PSD3: variants seen among roughly 807,000 people sequenced by gnomAD.
PSD3 encodes PH and SEC7 domain-containing protein 3.
PSD3 carries 49 observed loss-of-function variants against 105.5 expected under a neutral mutation model. That is an observed-to-expected ratio of 0.46 (90% CI 0.37 to 0.59). The LOEUF (loss-of-function observed/expected upper bound fraction) is 0.59. PSD3 is among the 20% of genes least tolerant of loss of function. The pLI, the probability that PSD3 is intolerant of heterozygous loss-of-function variation, is 0.00. For synonymous variants in PSD3, 557 were observed against 457.8 expected (o/e 1.22, Z -2.77); for missense variants, 1,561 against 1,263.8 (o/e 1.24, Z -3.57).
chr8:18,855,599 G>A (rs754329612), intron 4 of PSD3, among the ~76,000 whole-genome samples: 1 of 152,170 alleles, frequency 6.6e-6, no homozygotes, highest in South Asian at 2.1e-4. Context: ...AGCCACCACT[G>A]CCAGGCAAAG....
At chr8:18,874,702 CAA>C (rs746055038) in intron 2 of PSD3, among the ~76,000 whole-genome samples, 8 of 52,802 alleles carry the variant, frequency 1.5e-4, no homozygotes, top group Admixed American at 4.3e-4. Flanking sequence ...GACTCCATCT[CAA>C]AAAAAAAAAA....
chr8:18,600,558 G>A (rs868656842), intron 11 of PSD3, 124 bp from the exon 12 acceptor site: 2 of 803,136 alleles, frequency 2.5e-6, no homozygotes, highest in South Asian at 1.8e-5. Context: ...ATAACAATAA[G>A]AACTAAAATT....
At chr8:18,911,978 C>T (rs1820253300) in intron 2 of PSD3, among the ~76,000 whole-genome samples, 2 of 152,176 alleles carry the variant, frequency 1.3e-5, no homozygotes, top group South Asian at 4.1e-4. Context: ...TAAGTGGGAC[C>T]TTTCACATTA....
chr8:18,826,267 C>T (rs917298322), intron 4 of PSD3, among the ~76,000 whole-genome samples: 1 of 152,152 alleles, frequency 6.6e-6, no homozygotes. Context: ...GATGGCCGAT[C>T]GTGGGACTTC....
At chr8:18,700,976 A>G (rs1801542785) in intron 9 of PSD3, among the ~76,000 whole-genome samples, 1 of 151,870 alleles carries the variant, frequency 6.6e-6, no homozygotes, top group African/African-American at 2.4e-5. Flanking sequence ...TTGTGTATTT[A>G]TTTATTTTGA....
At chr8:18,735,034 C>A (rs933550814) in intron 9 of PSD3, among the ~76,000 whole-genome samples, 1 of 152,104 alleles carries the variant, frequency 6.6e-6, no homozygotes, top group Non-Finnish European at 1.5e-5. Flanking sequence ...TTGGCACATA[C>A]GCCGAGGACC....
intron 9 of PSD3, among the ~76,000 whole-genome samples, chr8:18,762,662 A>C (rs71510621): frequency 2.9e-3 from 442 of 152,344 alleles, no homozygotes; most frequent in Non-Finnish European, 4.2e-3. Context: ...TATTTGAGTA[A>C]ACAACGAAAG....
intron 1 of PSD3, among the ~76,000 whole-genome samples, chr8:18,947,493 G>A (rs926352017): frequency 2.0e-5 from 3 of 152,156 alleles, no homozygotes; most frequent in Admixed American, 6.5e-5. Context: ...ACGCTCCCCT[G>A]GGACAAGGGG....
At chr8:18,565,841 T>G (rs1801706688) in intron 14 of PSD3, among the ~76,000 whole-genome samples, 2 of 152,140 alleles carry the variant, frequency 1.3e-5, no homozygotes, top group African/African-American at 2.4e-5. Flanking sequence ...TTTGGCAATG[T>G]CTGGAGACAT....
chr8:18,668,105 C>T (rs1355394558), intron 9 of PSD3, among the ~76,000 whole-genome samples: 2 of 152,222 alleles, frequency 1.3e-5, no homozygotes, highest in Non-Finnish European at 2.9e-5. Flanking sequence ...CGGCTCCGGC[C>T]TCGGTCAGCC....
upstream of PSD3, chr8:19,013,723 G>C (rs1171946850): frequency 1.5e-6 from 1 of 674,102 alleles, no homozygotes; most frequent in Non-Finnish European, 2.0e-6. Context: ...CGGCCCGCGC[G>C]CACCCTGGCG....
chr8:18,555,732 C>T (rs139632036), intron 15 of PSD3, among the ~76,000 whole-genome samples: 3 of 152,294 alleles, frequency 2.0e-5, no homozygotes, highest in Non-Finnish European at 2.9e-5. Context: ...ATTTATCAAC[C>T]CCCTTCTGAA....
intron 1 of PSD3, among the ~76,000 whole-genome samples, chr8:18,955,600 C>A (rs1195380937): frequency 6.6e-6 from 1 of 152,000 alleles, no homozygotes; most frequent in Non-Finnish European, 1.5e-5. Context: ...ATGAAAATCT[C>A]CTAGAGGAGA....
chr8:18,957,778 C>G (rs1377515354), intron 1 of PSD3, among the ~76,000 whole-genome samples: 1 of 152,142 alleles, frequency 6.6e-6, no homozygotes, highest in African/African-American at 2.4e-5. Flanking sequence ...TGCCAAAGCT[C>G]ATGAGATCAC....
chr8:19,053,788 A>C (rs1828610806), intron 1 of PSD3, among the ~76,000 whole-genome samples: 1 of 152,202 alleles, frequency 6.6e-6, no homozygotes. Flanking sequence ...CTGTGAGGGA[A>C]GGATTTTTTT....
chr8:18,847,592 G>A (rs564182717), intron 4 of PSD3, among the ~76,000 whole-genome samples: 151 of 152,260 alleles, frequency 9.9e-4, no homozygotes, highest in African/African-American at 2.8e-3. Context: ...GTATGATTTC[G>A]TACCGTCAAG....
intron 9 of PSD3, among the ~76,000 whole-genome samples, chr8:18,681,446 CAAAA>C (rs528679351): frequency 5.0e-4 from 31 of 62,276 alleles, no homozygotes; most frequent in African/African-American, 1.0e-3. Flanking sequence ...GTTTCTGTTT[CAAAA>C]AAAAAAAAAA....
chr8:18,814,954 A>G (rs1304920061), intron 4 of PSD3, among the ~76,000 whole-genome samples: 1 of 152,200 alleles, frequency 6.6e-6, no homozygotes, highest in African/African-American at 2.4e-5. Flanking sequence ...AAGAACTACA[A>G]TTTTCATATC....
chr8:18,602,706 G>A (rs186191088), intron 11 of PSD3, among the ~76,000 whole-genome samples: 75 of 152,110 alleles, frequency 4.9e-4, no homozygotes, highest in African/African-American at 1.8e-3. Context: ...GAATTCAGGG[G>A]AAGAAGGGAC....
Sources: gnomAD v4.1 joint callset for allele counts (sites outside exome capture counted in the v4.1 genomes callset) on GRCh38, gnomAD v4.1.1 for gene constraint, MANE v1.5 for transcripts, NCBI Gene and HGNC (gene_info 2026-07-23, HGNC 2026-07-21) for gene names.